The following GMCL1 variants were observed in gnomAD, a reference collection of about 807,000 sequenced individuals.
GMCL1 encodes the protein germ cell-less 1, spermatogenesis associated, also known as germ cell-less protein-like 1.
In GMCL1, 54 loss-of-function variants were observed where a neutral mutation model predicts 75.5. The ratio of observed to expected loss-of-function variants is 0.71; its 90% CI spans 0.57 to 0.90. GMCL1 has a LOEUF of 0.90. Among genes scored for constraint, GMCL1 ranks in the 40% least tolerant of loss-of-function variants. GMCL1 has a pLI of 0.00. For missense variants in GMCL1, 537 were observed against 622.7 expected (o/e 0.86, Z 1.47); for synonymous variants, 210 against 209.6 (o/e 1.00, Z -0.02).
intron 10 of GMCL1, among the ~76,000 whole-genome samples, chr2:69,863,372 A>G (rs1016168708): frequency 5.9e-5 from 9 of 152,212 alleles, no homozygotes; most frequent in African/African-American, 1.7e-4. Context: ...TCACTGCTGC[A>G]GGACTGCTAA....
At chr2:69,866,206 A>G (rs1009426317) in intron 11 of GMCL1, among the ~76,000 whole-genome samples, 2 of 151,612 alleles carry the variant, frequency 1.3e-5, no homozygotes, top group East Asian at 3.9e-4. Context: ...CAAGATTGTG[A>G]CACTGCACTT....
At chr2:69,860,535 ATTGT>A (rs1675610311) in intron 9 of GMCL1, among the ~76,000 whole-genome samples, 1 of 152,060 alleles carries the variant, frequency 6.6e-6, no homozygotes, top group African/African-American at 2.4e-5. Context: ...AAACCAATTA[ATTGT>A]TTTTTTATGT....
intron 2 of GMCL1, among the ~76,000 whole-genome samples, chr2:69,838,659 G>T (rs1255175063): frequency 6.6e-6 from 1 of 152,046 alleles, no homozygotes; most frequent in African/African-American, 2.4e-5. Context: ...GAAGTATGTT[G>T]CCCAGATACT....
intron 13 of GMCL1, among the ~76,000 whole-genome samples, chr2:69,878,234 A>G (rs1028450018): frequency 6.6e-6 from 1 of 152,206 alleles, no homozygotes; most frequent in African/African-American, 2.4e-5. Flanking sequence ...CATGTTTGTC[A>G]TAGGGACAGT....
chr2:69,829,884 C>T lies in GMCL1; in HGVS notation c.-9C>T, dbSNP rs1674618060. ...CTGGGCTCCCTGAAGTCTCGGGGAG[C>T]CGTGACCCATGGGATCGTTGAGCAG... On this transcript the variant is annotated 5_prime_UTR_variant, in exon 1 of 14. Coordinates refer to ENST00000282570, the MANE Select transcript of GMCL1 (RefSeq NM_178439.5). 6.3e-7 allele frequency: 1 copy of T among 1,583,772 alleles called. No individual in the cohort carries two copies. The highest frequency in any genetic ancestry group is 1.1e-5 in the South Asian group (1 of 87,404).
intron 5 of GMCL1, 102 bp from the exon 6 acceptor site, chr2:69,844,029 T>C (rs1675061556): frequency 6.0e-6 from 3 of 503,868 alleles, no homozygotes; most frequent in South Asian, 1.0e-4. Flanking sequence ...GTTTTGAGCA[T>C]GTTCTGGCAA....
intron 1 of GMCL1, among the ~76,000 whole-genome samples, chr2:69,831,966 A>G (rs1412169601): frequency 6.6e-6 from 1 of 152,190 alleles, no homozygotes; most frequent in Non-Finnish European, 1.5e-5. Context: ...CATGCCTATA[A>G]TCCCAGCACT....
At chr2:69,859,742 T>TTAAA (rs1553372489) in intron 9 of GMCL1, among the ~76,000 whole-genome samples, 2 of 79,136 alleles carry the variant, frequency 2.5e-5, no homozygotes, top group Non-Finnish European at 4.6e-5. Context: ...TCTCTCTCTC[T>TTAAA]AAAAAAAAAA....
chr2:69,875,224 G>A (rs575886667), intron 13 of GMCL1, among the ~76,000 whole-genome samples: 6 of 152,018 alleles, frequency 3.9e-5, no homozygotes, highest in African/African-American at 1.4e-4. Flanking sequence ...AGTATTTGAC[G>A]ATATATCTGA....
intron 10 of GMCL1, among the ~76,000 whole-genome samples, chr2:69,861,959 T>C (rs1418496226): frequency 6.6e-6 from 1 of 151,928 alleles, no homozygotes; most frequent in Non-Finnish European, 1.5e-5. Context: ...CCAAAATTGC[T>C]CCACTGCACT....
chr2:69,848,179 G>T (rs1675208511), intron 7 of GMCL1, among the ~76,000 whole-genome samples: 1 of 152,176 alleles, frequency 6.6e-6, no homozygotes, highest in South Asian at 2.1e-4. Context: ...GCAGAGACTG[G>T]GTCTTGGGAG....
At chr2:69,877,729 T>A (rs1193196382) in intron 13 of GMCL1, among the ~76,000 whole-genome samples, 3 of 151,886 alleles carry the variant, frequency 2.0e-5, no homozygotes, top group African/African-American at 7.3e-5. Flanking sequence ...TGTGTGTGTG[T>A]GTGTGAGACA....
At chr2:69,851,352 C>A (rs903298285) in intron 8 of GMCL1, among the ~76,000 whole-genome samples, 6 of 152,146 alleles carry the variant, frequency 3.9e-5, no homozygotes. Context: ...AGGCTGACGC[C>A]TGTACTCCCA....
rs1674853445 is a variant in GMCL1 at position 69,837,542 on chromosome 2, A to G, written c.261-5A>G. 6.6e-7 allele frequency: 1 copy of G among 1,521,342 alleles called. No individual in the cohort carries two copies. The highest frequency in any genetic ancestry group is 1.4e-5 in the African/African-American group (1 of 70,310). 94.2% of individuals were successfully genotyped at this position (1,521,342 alleles called of 1,614,324 possible). The stretch of plus-strand genomic sequence containing the variant: ...AATATGTGACTTTTTCATTTCTTTT[A>G]ACAGGAAAAAATTAAAGAGTACATC... On this transcript the variant is annotated splice_polypyrimidine_tract_variant and splice_region_variant and intron_variant, in intron 1 of 13. Transcript: ENST00000282570.
chr2:69,874,682 T>A (rs1573376604), intron 13 of GMCL1, among the ~76,000 whole-genome samples: 1 of 152,250 alleles, frequency 6.6e-6, no homozygotes. Flanking sequence ...CATTTTTTTC[T>A]TGCTAATTTT....
At chr2:69,863,064 G>A (rs1338239867) in intron 10 of GMCL1, among the ~76,000 whole-genome samples, 3 of 151,926 alleles carry the variant, frequency 2.0e-5, no homozygotes, top group Non-Finnish European at 4.4e-5. Flanking sequence ...TTAGTTTTTT[G>A]CCTTAAGAAG....
intron 10 of GMCL1, among the ~76,000 whole-genome samples, chr2:69,862,517 T>C (rs1305496349): frequency 6.6e-6 from 1 of 152,088 alleles, no homozygotes; most frequent in Non-Finnish European, 1.5e-5. Flanking sequence ...CCCAGCACTT[T>C]GGGAGGCCGG....
chr2:69,877,023 A>G (rs1350861452), intron 13 of GMCL1, among the ~76,000 whole-genome samples: 1 of 152,100 alleles, frequency 6.6e-6, no homozygotes, highest in Non-Finnish European at 1.5e-5. Flanking sequence ...CACTACCAAC[A>G]ACAACAAATA....
intron 10 of GMCL1, among the ~76,000 whole-genome samples, chr2:69,863,655 T>G (rs532077531): frequency 6.6e-6 from 1 of 152,342 alleles, no homozygotes; most frequent in South Asian, 2.1e-4. Context: ...TTTGTAGTTT[T>G]TCGTAACAAA....
Sources: gnomAD v4.1 joint callset for allele counts (sites outside exome capture counted in the v4.1 genomes callset) on GRCh38, gnomAD v4.1.1 for gene constraint, MANE v1.5 for transcripts, NCBI Gene and HGNC (gene_info 2026-07-23, HGNC 2026-07-21) for gene names.